The following PEBP4 variants were observed in gnomAD, a reference collection of about 807,000 sequenced individuals.
PEBP4 encodes the protein phosphatidylethanolamine-binding protein 4.
Under a neutral mutation model 23.9 loss-of-function variants are expected in PEBP4, and 22 were observed. The observed-to-expected ratio is 0.92, with a 90% CI of 0.66 to 1.31. The LOEUF is 1.31. Among genes scored for constraint, PEBP4 ranks in the 40% most tolerant of loss-of-function variants. PEBP4 has a pLI of 0.00. For missense variants in PEBP4, 324 were observed against 281.7 expected (o/e 1.15, Z -1.07); for synonymous variants, 112 against 99.3 (o/e 1.13, Z -0.76).
intron 3 of PEBP4, among the ~76,000 whole-genome samples, chr8:22,896,938 T>C (rs1808600470): frequency 6.6e-6 from 1 of 150,502 alleles, no homozygotes; most frequent in African/African-American, 2.4e-5. Flanking sequence ...TATTTAGATA[T>C]TATATATAGC....
chr8:22,921,397 G>T (rs1216395631), intron 2 of PEBP4, among the ~76,000 whole-genome samples: 3 of 152,224 alleles, frequency 2.0e-5, no homozygotes, highest in African/African-American at 7.2e-5. Flanking sequence ...TGATATCTAA[G>T]GGGACCCTGT....
intron 4 of PEBP4, among the ~76,000 whole-genome samples, chr8:22,776,236 TG>T (rs1805812794): frequency 6.6e-6 from 1 of 152,200 alleles, no homozygotes; most frequent in Non-Finnish European, 1.5e-5. Flanking sequence ...TGGGGGTGCA[TG>T]GGTCTCCAGA....
chr8:22,928,043 T>C (rs78288929), upstream of PEBP4: 805 of 294,518 alleles, frequency 2.7e-3, 7 homozygotes, highest in African/African-American at 0.017. Context: ...GAAGTGCTTA[T>C]ATAAGCTCCT....
chr8:22,825,966 T>A (rs1806958496), intron 3 of PEBP4, among the ~76,000 whole-genome samples: 1 of 152,192 alleles, frequency 6.6e-6, no homozygotes, highest in African/African-American at 2.4e-5. Flanking sequence ...TCCACGTACA[T>A]GATATATCTA....
chr8:22,899,765 G>A (rs1808674517), intron 3 of PEBP4, among the ~76,000 whole-genome samples: 1 of 152,206 alleles, frequency 6.6e-6, no homozygotes, highest in African/African-American at 2.4e-5. Context: ...CAGAATTCGT[G>A]CATGCACTGC....
At chr8:22,847,326 A>G (rs778828847) in intron 3 of PEBP4, among the ~76,000 whole-genome samples, 1 of 152,156 alleles carries the variant, frequency 6.6e-6, no homozygotes, top group African/African-American at 2.4e-5. Flanking sequence ...AGATCTCTAT[A>G]TTTAAAATAT....
intron 3 of PEBP4, among the ~76,000 whole-genome samples, chr8:22,826,768 G>T (rs796791306): frequency 3.5e-4 from 54 of 152,292 alleles, no homozygotes; most frequent in African/African-American, 1.3e-3. Flanking sequence ...AACTAAGAGA[G>T]GCTGTGGGTG....
intron 4 of PEBP4, among the ~76,000 whole-genome samples, chr8:22,814,609 T>C (rs1039011843): frequency 1.3e-5 from 2 of 152,218 alleles, no homozygotes. Context: ...CAGTTAGACC[T>C]GGCCCCCTAA....
upstream of PEBP4, among the ~76,000 whole-genome samples, chr8:22,931,444 A>G (rs1351925746): frequency 3.3e-5 from 5 of 151,890 alleles, no homozygotes; most frequent in East Asian, 7.7e-4. Flanking sequence ...GTCTCTATGA[A>G]TTTGCCTATT....
chr8:22,903,197 T>A (rs1279616894), intron 3 of PEBP4, among the ~76,000 whole-genome samples: 1 of 152,156 alleles, frequency 6.6e-6, no homozygotes, highest in Non-Finnish European at 1.5e-5. Context: ...CCAGCCATGA[T>A]ATTGTGAGTA....
chr8:22,831,790 G>A (rs1807087913), intron 3 of PEBP4, among the ~76,000 whole-genome samples: 1 of 152,202 alleles, frequency 6.6e-6, no homozygotes, highest in Admixed American at 6.5e-5. Flanking sequence ...GGCCATGCCT[G>A]GCAAAGGAAG....
rs551817601 is a variant in PEBP4, at chr8:22,921,598, C to T, written c.132-1288G>A. On this transcript the variant is annotated intron_variant, in intron 2 of 6. Coordinates refer to ENST00000256404, the MANE Select transcript of PEBP4 (RefSeq NM_144962.3). The stretch of plus-strand genomic sequence containing the variant: ...CTGAGCCCCCAGCACCTGGCAGCCC[C>T]GGACCAGGACACTTCGGTGGGCCAG... Among the ~76,000 whole-genome samples the T allele has an allele frequency of 8.1e-4, 123 of 152,330 alleles. 3 individuals are homozygous for T. The highest frequency in any genetic ancestry group is 1.7e-4 in the African/African-American group (7 of 41,580).
At chr8:22,823,792 A>G (rs1230411457) in intron 3 of PEBP4, among the ~76,000 whole-genome samples, 2 of 152,172 alleles carry the variant, frequency 1.3e-5, no homozygotes, top group African/African-American at 4.8e-5. Flanking sequence ...CTTTAAATCC[A>G]TAAAAAAAGA....
chr8:22,774,393 C>T (rs763847567), intron 4 of PEBP4, among the ~76,000 whole-genome samples: 4 of 152,198 alleles, frequency 2.6e-5, no homozygotes, highest in Non-Finnish European at 5.9e-5. Flanking sequence ...AGAAATGAGT[C>T]ACTAATGGTG....
At chr8:22,904,367 C>T (rs1311039251) in intron 3 of PEBP4, among the ~76,000 whole-genome samples, 1 of 152,216 alleles carries the variant, frequency 6.6e-6, no homozygotes, top group Non-Finnish European at 1.5e-5. Flanking sequence ...CTGGATGATG[C>T]TGAATCCAGC....
chr8:22,899,349 T>C (rs931073508), intron 3 of PEBP4, among the ~76,000 whole-genome samples: 2 of 152,120 alleles, frequency 1.3e-5, no homozygotes, highest in East Asian at 1.9e-4. Flanking sequence ...CCTTGGCCCA[T>C]GGAAAGGCAG....
rs1806773569 is a variant in PEBP4, at chr8:22,817,708, C to A, written c.286G>T (p.Asp96Tyr). 1 of 1,614,094 alleles carries A rather than the reference C, an allele frequency of 6.2e-7. No homozygotes were observed. The highest frequency in any genetic ancestry group is 8.5e-7 in the Non-Finnish European group (1 of 1,180,044). Reference protein sequence around the residue: ...DGATYILVMVDPDAPSRAEPR... With the variant: ...DGATYILVMVYPDAPSRAEPR... ...TCTGCTCTGCTAGGGGCATCTGGAT[C>A]CACCATCACCAGGATATAGGTTGCG... The change falls in exon 4 of 7, where the codon GAT becomes TAT. Residue 96 changes from aspartate to tyrosine, a missense_variant. By Grantham distance (160) the Asp-to-Tyr change is radical. Coordinates refer to ENST00000256404, the MANE Select transcript of PEBP4 (RefSeq NM_144962.3).
chr8:22,927,821 A>G lies in PEBP4; in HGVS notation c.-7+2T>C. The stretch of plus-strand genomic sequence containing the variant: ...CAGGGGCCCACTTGGCAGGATAGAG[A>G]CCTCTGGTTAAGCACAGGGAGAAGG... On this transcript the variant is annotated splice_donor_variant, in intron 1 of 6. Coordinates refer to ENST00000256404, the MANE Select transcript of PEBP4 (RefSeq NM_144962.3). LOFTEE classifies it low-confidence loss of function (5UTR_SPLICE). The G allele has an allele frequency of 6.9e-7, 1 of 1,453,792 alleles. No individual in the cohort carries two copies. The allele number at this position is 1,453,792 out of a possible 1,614,324, so 90.1% of individuals were successfully genotyped here. A position where few individuals can be genotyped will look rare whatever the true frequency, so the allele number is the denominator to read the frequency against.
At chr8:22,729,400 T>C (rs1372364036) in intron 4 of PEBP4, among the ~76,000 whole-genome samples, 1 of 152,234 alleles carries the variant, frequency 6.6e-6, no homozygotes, top group Non-Finnish European at 1.5e-5. Flanking sequence ...CTGTTTCTTT[T>C]CAATTCCCCC....
Sources: allele counts gnomAD v4.1 joint callset (sites outside exome capture counted in the v4.1 genomes callset), GRCh38; gene constraint gnomAD v4.1.1; transcripts MANE v1.5; gene names NCBI Gene and HGNC (gene_info 2026-07-23, HGNC 2026-07-21).